Variants in CDC27 observed in about 807,000 individuals in gnomAD.
CDC27 encodes cell division cycle 27.
Under a neutral mutation model 109.7 loss-of-function variants are expected in CDC27, and 27 were observed. The ratio of observed to expected loss-of-function variants is 0.25; its 90% confidence interval spans 0.18 to 0.34. CDC27 has a LOEUF of 0.34. CDC27 is among the 10% of genes least tolerant of loss of function. The probability of loss-of-function intolerance (pLI) is 1.00; values close to 1 mark genes in which losing one functional copy is unlikely to be tolerated. For synonymous variants in CDC27, 266 were observed against 333.9 expected (o/e 0.80, Z 2.22); for missense variants, 579 against 960.2 (o/e 0.60, Z 5.25).
chr17:47,122,924 C>T (rs764987612), intron 17 of CDC27, among the ~76,000 whole-genome samples: 1 of 152,118 alleles, frequency 6.6e-6, no homozygotes, highest in Non-Finnish European at 1.5e-5. Flanking sequence ...CCACCTGCCT[C>T]CCAAAGTGCT....
At chr17:47,169,838 G>C in intron 4 of CDC27, 79 bp downstream of exon 4, 1 of 1,228,910 alleles carries the variant, frequency 8.1e-7, no homozygotes, top group Non-Finnish European at 1.1e-6. Flanking sequence ...GATAAACACT[G>C]ATCAACATAG....
At chr17:47,133,095 A>C in intron 14 of CDC27, among the ~76,000 whole-genome samples, 1 of 33,402 alleles carries the variant, frequency 3.0e-5, no homozygotes, top group Non-Finnish European at 4.9e-5. Flanking sequence ...AAACACACAC[A>C]CACAAATATA....
At chr17:47,167,224 T>C (rs915649278) in intron 4 of CDC27, among the ~76,000 whole-genome samples, 1 of 152,222 alleles carries the variant, frequency 6.6e-6, no homozygotes, top group Non-Finnish European at 1.5e-5. Context: ...ATGTGTGACT[T>C]TTTATTATCT....
chr17:47,125,997 C>T (rs773826761), intron 16 of CDC27, among the ~76,000 whole-genome samples: 3 of 152,132 alleles, frequency 2.0e-5, no homozygotes, highest in Non-Finnish European at 4.4e-5. Context: ...CCACCCCCAG[C>T]GATCTAATTA....
intron 14 of CDC27, among the ~76,000 whole-genome samples, chr17:47,132,741 T>TTTTTTATTA (rs765179637): frequency 8.0e-6 from 1 of 125,146 alleles, no homozygotes; most frequent in African/African-American, 3.0e-5. Context: ...ATTAAAGCAG[T>TTTTTTATTA]TTATTATTAT....
At chr17:47,180,786 G>A (rs1354701053) in intron 2 of CDC27, among the ~76,000 whole-genome samples, 2 of 151,668 alleles carry the variant, frequency 1.3e-5, no homozygotes, top group Non-Finnish European at 2.9e-5. Flanking sequence ...AATTCTAAGG[G>A]GCAATGATTA....
At position 47,123,918 on chromosome 17, in the gene CDC27, T is replaced by G. The variant is rs2062052602; in HGVS notation, c.2203A>C (p.Lys735Gln). ...ATTAAGAAGTAAACGAGGGATTCTT[T>G]GGGAACAATTTGTTTCAATTCTTCA... Reference protein sequence around the residue: ...ELEELKQIVPKESLVYFLIGK... With the variant: ...ELEELKQIVPQESLVYFLIGK... The change falls in exon 17 of 19, where the codon AAA becomes CAA. Residue 735 changes from lysine (K) to glutamine (Q), a missense_variant. Physicochemically the swap from Lys to Gln is moderately conservative, Grantham distance 53 (BLOSUM62 1). Coordinates refer to ENST00000066544, the MANE Select transcript of CDC27 (RefSeq NM_001256.6). 3 of 1,605,634 alleles carry G rather than the reference T, an allele frequency of 1.9e-6. No homozygotes were observed. In the East Asian group the frequency reaches 6.7e-5, roughly 36 times the overall value.
chr17:47,168,159 C>T (rs2063705177), intron 4 of CDC27, among the ~76,000 whole-genome samples: 1 of 152,114 alleles, frequency 6.6e-6, no homozygotes, highest in Admixed American at 6.6e-5. Context: ...CTGATTAAAC[C>T]ATTGGCTGTT....
intron 4 of CDC27, among the ~76,000 whole-genome samples, chr17:47,163,364 G>T (rs1422043962): frequency 6.6e-6 from 1 of 152,188 alleles, no homozygotes; most frequent in Admixed American, 6.5e-5. Context: ...GGGTAGGGTT[G>T]TTCCACTTTC....
chr17:47,163,285 C>T (rs1434150001), intron 4 of CDC27, among the ~76,000 whole-genome samples: 2 of 152,120 alleles, frequency 1.3e-5, no homozygotes, highest in African/African-American at 4.8e-5. Flanking sequence ...GCTACAAAAC[C>T]ACATGTATGT....
At chr17:47,147,423 AC>A (rs1416985156) in intron 9 of CDC27, among the ~76,000 whole-genome samples, 54 of 105,840 alleles carry the variant, frequency 5.1e-4, no homozygotes, top group African/African-American at 1.1e-3. Flanking sequence ...AAACAAACAA[AC>A]AAACAAAAAA....
In CDC27 at chr17:47,118,340, G is replaced by T. The variant is rs2061918334; in HGVS notation, c.*2595C>A. On this transcript the variant is annotated 3_prime_UTR_variant, in exon 19 of 19. Transcript: ENST00000066544. Reference sequence around the variant, plus strand: ...ATTTTAAGTGATGAATACAGAAAATGTAGGGACCACCTTTCATTCTTTTGA... The same window carrying T: ...ATTTTAAGTGATGAATACAGAAAATTTAGGGACCACCTTTCATTCTTTTGA... The T allele has an allele frequency of 6.6e-6, 1 of 152,584 alleles. No individual in the cohort carries two copies. The highest frequency in any genetic ancestry group is 1.5e-5 in the Non-Finnish European group (1 of 68,046). The allele number at this position is 152,584 out of a possible 1,614,324, so 9.5% of individuals were successfully genotyped here. A position where few individuals can be genotyped will look rare whatever the true frequency, so the allele number is the denominator to read the frequency against.
At chr17:47,172,121 T>A in intron 2 of CDC27, 57 bp from the exon 3 acceptor site, 1 of 1,160,240 alleles carries the variant, frequency 8.6e-7, no homozygotes, top group Non-Finnish European at 1.2e-6. Flanking sequence ...TGATAATCAG[T>A]TTATCATGCA....
At chr17:47,123,725 C>A (rs1634269) in intron 17 of CDC27, among the ~76,000 whole-genome samples, 161 bp downstream of exon 17, 92,360 of 151,920 alleles carry the variant, frequency 0.61, 28,543 homozygotes, top group Admixed American at 0.68. Context: ...ATATCATTTT[C>A]TTAAGTGTTA....
At chr17:47,179,437 T>C (rs2064141783) in intron 2 of CDC27, among the ~76,000 whole-genome samples, 1 of 152,186 alleles carries the variant, frequency 6.6e-6, no homozygotes. Flanking sequence ...GAAGTGGTAA[T>C]TGCTACTCTT....
chr17:47,160,617 G>C (rs2063471632), intron 4 of CDC27, among the ~76,000 whole-genome samples: 1 of 151,996 alleles, frequency 6.6e-6, no homozygotes. Flanking sequence ...CAACTTACCT[G>C]GTCTGAAGTT....
rs767179498 is a variant in CDC27 at position 47,142,210 on chromosome 17, T to G, written c.1378+19A>C. The stretch of plus-strand genomic sequence containing the variant: ...TACATAATAAAATACAAAGATAATA[T>G]TAAGCATTTAAAACAGACCTGCTGC... On this transcript the variant is annotated intron_variant, in intron 11 of 18. Transcript: ENST00000066544. 3.5e-6 allele frequency: 5 copies of G among 1,414,346 alleles called. No individual in the cohort carries two copies. Among genetic ancestry groups the G allele is most frequent in the Non-Finnish European group, 4.9e-6 (5 of 1,025,546 alleles). The allele number at this position is 1,414,346 out of a possible 1,614,324, so 87.6% of individuals were successfully genotyped here.
chr17:47,185,871 A>C lies in CDC27; in HGVS notation c.27+3275T>G, dbSNP rs1345969484. Among the ~76,000 whole-genome samples the C allele has an allele frequency of 2.0e-5, 3 of 152,320 alleles. No homozygotes were observed. The East Asian group carries it at 5.8e-4, about 29-fold the overall frequency. On this transcript the variant is annotated intron_variant, in intron 1 of 18. Transcript: ENST00000066544. ...ACGTCAGTGGTTCTTACTCTGGGCA[A>C]TTTTGCCTTCTTACTCCCAATTAAT...
chr17:47,124,334 A>G (rs998857730), intron 16 of CDC27, among the ~76,000 whole-genome samples: 1 of 151,912 alleles, frequency 6.6e-6, no homozygotes, highest in African/African-American at 2.4e-5. Context: ...CCCAGGCTGG[A>G]GTGCAGTGGC....
Sources: allele counts gnomAD v4.1 joint callset (sites outside exome capture counted in the v4.1 genomes callset), GRCh38; gene constraint gnomAD v4.1.1; transcripts MANE v1.5; gene names NCBI Gene and HGNC (gene_info 2026-07-23, HGNC 2026-07-21).